NRCAM: variants seen among roughly 807,000 people sequenced by gnomAD.
NRCAM encodes neuronal cell adhesion molecule, also known as NgCAM-related cell adhesion molecule.
A neutral mutation model predicts 156.5 loss-of-function variants in NRCAM; 83 were observed. The ratio of observed to expected loss-of-function variants is 0.53; its 90% CI spans 0.44 to 0.64. The LOEUF (loss-of-function observed/expected upper bound fraction) is 0.64. Among genes scored for constraint, NRCAM ranks in the 30% least tolerant of loss-of-function variants. The pLI is 0.00. For missense variants in NRCAM, 1,417 were observed against 1,597.3 expected (o/e 0.89, Z 1.92); for synonymous variants, 538 against 563.9 (o/e 0.95, Z 0.65).
At chr7:108,219,173 C>A (rs2091109095) in intron 11 of NRCAM, among the ~76,000 whole-genome samples, 1 of 151,960 alleles carries the variant, frequency 6.6e-6, no homozygotes, top group African/African-American at 2.4e-5. Flanking sequence ...AGTTAGATAC[C>A]TTAAACAGAC....
intron 6 of NRCAM, among the ~76,000 whole-genome samples, chr7:108,233,666 T>C (rs1486761561): frequency 6.6e-6 from 1 of 152,182 alleles, no homozygotes; most frequent in Non-Finnish European, 1.5e-5. Flanking sequence ...AGTTTTGACA[T>C]AGTACATATT....
At chr7:108,227,305 G>C (rs1338368533) in intron 8 of NRCAM, among the ~76,000 whole-genome samples, 2 of 152,138 alleles carry the variant, frequency 1.3e-5, no homozygotes, top group East Asian at 3.8e-4. Flanking sequence ...TCTTGCCTTA[G>C]GTAGGAGGAT....
intron 2 of NRCAM, among the ~76,000 whole-genome samples, chr7:108,389,912 G>A (rs559727359): frequency 9.2e-5 from 14 of 152,322 alleles, no homozygotes; most frequent in Non-Finnish European, 7.4e-5. Flanking sequence ...AAGCCCACTT[G>A]ATCATGGTGG....
At chr7:108,280,334 C>T (rs1051104404) in intron 3 of NRCAM, among the ~76,000 whole-genome samples, 1 of 152,232 alleles carries the variant, frequency 6.6e-6, no homozygotes, top group African/African-American at 2.4e-5. Context: ...CTCTCTTACT[C>T]CCTCTCTGCC....
chr7:108,434,458 T>A (rs890037508), intron 1 of NRCAM, among the ~76,000 whole-genome samples: 3 of 151,786 alleles, frequency 2.0e-5, no homozygotes, highest in Admixed American at 2.0e-4. Context: ...GCTTCACATA[T>A]ACTGAGTTGA....
intron 27 of NRCAM, 102 bp downstream of exon 27, chr7:108,176,328 G>T: frequency 9.9e-7 from 1 of 1,013,932 alleles, no homozygotes. Context: ...GCGTTAATCA[G>T]GTAAGACAGA....
At chr7:108,341,883 T>C (rs1345500111) in intron 2 of NRCAM, among the ~76,000 whole-genome samples, 1 of 152,194 alleles carries the variant, frequency 6.6e-6, no homozygotes, top group Non-Finnish European at 1.5e-5. Context: ...AGTGAGGCCG[T>C]TGTCCCTCTA....
At chr7:108,292,012 A>G (rs2098312014) in intron 3 of NRCAM, among the ~76,000 whole-genome samples, 1 of 152,250 alleles carries the variant, frequency 6.6e-6, no homozygotes, top group African/African-American at 2.4e-5. Context: ...CCGCTTAAAC[A>G]GTGCAGGGTG....
chr7:108,158,097 G>C (rs903125774), intron 32 of NRCAM, among the ~76,000 whole-genome samples: 1 of 152,076 alleles, frequency 6.6e-6, no homozygotes, highest in Non-Finnish European at 1.5e-5. Context: ...AGATGCCCTA[G>C]GCTACGGGCT....
At chr7:108,298,983 G>A (rs2098513954) in intron 3 of NRCAM, among the ~76,000 whole-genome samples, 1 of 146,938 alleles carries the variant, frequency 6.8e-6, no homozygotes, top group Non-Finnish European at 1.5e-5. Context: ...GTGCATGTCT[G>A]TAATCCCAGC....
At chr7:108,171,452 C>T (rs769836946) in intron 28 of NRCAM, among the ~76,000 whole-genome samples, 42 of 152,258 alleles carry the variant, frequency 2.8e-4, no homozygotes, top group Admixed American at 1.5e-3. Context: ...CTAAGTGGAC[C>T]GCTTGGTATA....
At chr7:108,313,029 T>C (rs1563219830) in intron 2 of NRCAM, among the ~76,000 whole-genome samples, 1 of 152,222 alleles carries the variant, frequency 6.6e-6, no homozygotes, top group Non-Finnish European at 1.5e-5. Context: ...GTTTTTGTAA[T>C]GTATCTATAC....
chr7:108,344,772 G>A (rs1296485445), intron 2 of NRCAM, among the ~76,000 whole-genome samples: 1 of 152,122 alleles, frequency 6.6e-6, no homozygotes, highest in African/African-American at 2.4e-5. Flanking sequence ...AGAAACCACA[G>A]GAATTATTTA....
intron 2 of NRCAM, among the ~76,000 whole-genome samples, chr7:108,327,184 G>A (rs2099078232): frequency 1.3e-5 from 2 of 152,156 alleles, no homozygotes; most frequent in Non-Finnish European, 2.9e-5. Flanking sequence ...TGCCTGGGTG[G>A]GAATTCAGCT....
chr7:108,380,148 T>G (rs562487220), intron 2 of NRCAM, among the ~76,000 whole-genome samples: 1 of 152,164 alleles, frequency 6.6e-6, no homozygotes, highest in African/African-American at 2.4e-5. Context: ...GATAAAAAAT[T>G]GTAACACTCA....
In NRCAM at chr7:108,176,477, C is replaced by A; in HGVS notation, c.3104G>T (p.Gly1035Val). ...KFYFYAQTSA[G>V]SGSQITEEAV... ...TTCCTCTGTAATTTGACTTCCTGAT[C>A]CTGCTGATGTTTGTGCATAGAAATA... Residue 1035 changes from glycine to valine, a missense_variant, in exon 27 of 33, where the codon GGA (glycine) becomes GTA (valine). Around this residue, in one of 2 missense-constraint regions of NRCAM, gnomAD observed 1,238 missense variants for 1,336.4 expected, o/e 0.93. Coordinates refer to ENST00000379028, the MANE Select transcript of NRCAM (RefSeq NM_001037132.4). 2 of 1,613,578 alleles carry A rather than the reference C, an allele frequency of 1.2e-6. No homozygotes were observed.
At chr7:108,281,794 G>GA (rs1554452730) in intron 3 of NRCAM, among the ~76,000 whole-genome samples, 3 of 152,212 alleles carry the variant, frequency 2.0e-5, no homozygotes, top group Non-Finnish European at 4.4e-5. Flanking sequence ...CCTTGGCTGC[G>GA]AACACAGTTG....
intron 1 of NRCAM, among the ~76,000 whole-genome samples, chr7:108,446,573 A>G (rs1844432876): frequency 6.6e-6 from 1 of 152,224 alleles, no homozygotes; most frequent in Admixed American, 6.5e-5. Context: ...GTTAGGAGAC[A>G]TGGAGAAAGC....
intron 1 of NRCAM, among the ~76,000 whole-genome samples, chr7:108,433,733 G>T (rs747580103): frequency 3.9e-5 from 6 of 152,188 alleles, no homozygotes; most frequent in Non-Finnish European, 7.3e-5. Context: ...AGTGGAAGCA[G>T]TCAAGGCCCT....
Sources: allele counts gnomAD v4.1 joint callset (sites outside exome capture counted in the v4.1 genomes callset), GRCh38; gene constraint gnomAD v4.1.1; regional missense constraint gnomAD v4.1.1; transcripts MANE v1.5; gene names NCBI Gene and HGNC (gene_info 2026-07-23, HGNC 2026-07-21).